Variants in ZRANB1 observed in about 807,000 individuals in gnomAD.
ZRANB1 encodes ubiquitin thioesterase ZRANB1.
ZRANB1 carries 16 observed loss-of-function variants against 80.5 expected under a neutral mutation model. The ratio of observed to expected loss-of-function variants is 0.20; its 90% confidence interval spans 0.13 to 0.30. The LOEUF (loss-of-function observed/expected upper bound fraction) is 0.30. Among genes scored for constraint, ZRANB1 ranks in the 10% least tolerant of loss-of-function variants. ZRANB1 has a pLI of 1.00. For missense variants in ZRANB1, 576 were observed against 862.6 expected, an observed-to-expected ratio of 0.67 and a Z score of 4.16; for synonymous variants, 291 against 293.1, an observed-to-expected ratio of 0.99 and a Z score of 0.07.
intron 1 of ZRANB1, among the ~76,000 whole-genome samples, chr10:124,966,190 C>T (rs1951774086): frequency 6.6e-6 from 1 of 152,104 alleles, no homozygotes; most frequent in Non-Finnish European, 1.5e-5. Flanking sequence ...AGGAGCTCAA[C>T]ACCAGCTGGA....
At chr10:124,975,517 A>T (rs761209787) in intron 5 of ZRANB1, among the ~76,000 whole-genome samples, 42 of 152,192 alleles carry the variant, frequency 2.8e-4, no homozygotes, top group Non-Finnish European at 5.1e-4. Flanking sequence ...TTATATATAT[A>T]TTTTTTAACA....
chr10:124,948,072 G>A (rs1483712736), intron 1 of ZRANB1, among the ~76,000 whole-genome samples: 1 of 151,916 alleles, frequency 6.6e-6, no homozygotes, highest in Non-Finnish European at 1.5e-5. Context: ...CCACTTATAC[G>A]TGAGTTTTCT....
intron 1 of ZRANB1, among the ~76,000 whole-genome samples, chr10:124,965,615 A>G (rs1036676): frequency 0.63 from 95,453 of 152,082 alleles, 32,139 homozygotes; most frequent in Non-Finnish European, 0.75. Context: ...TACACTAAGA[A>G]TATTTTTTTA....
chr10:124,968,302 C>A (rs1175433531), intron 2 of ZRANB1, among the ~76,000 whole-genome samples: 1 of 152,140 alleles, frequency 6.6e-6, no homozygotes, highest in Non-Finnish European at 1.5e-5. Context: ...TATACTTTTG[C>A]ATATTTGTTT....
chr10:124,966,516 T>G (rs1321775351), intron 1 of ZRANB1, 78 bp from the exon 2 acceptor site: 13 of 1,406,336 alleles, frequency 9.2e-6, no homozygotes, highest in Non-Finnish European at 1.2e-5. Flanking sequence ...CTTAAAAGAT[T>G]TTGGAGTGAT....
At chr10:124,922,808 GT>G in the ZRANB1 span, among the ~76,000 whole-genome samples, 1 of 151,786 alleles carries the variant, frequency 6.6e-6, no homozygotes, top group Non-Finnish European at 1.5e-5. Flanking sequence ...GCTAATTTTT[GT>G]ATTCAGCCGT....
chr10:124,937,435 C>T (rs1224257124), upstream of ZRANB1, among the ~76,000 whole-genome samples: 2 of 151,788 alleles, frequency 1.3e-5, no homozygotes, highest in African/African-American at 2.4e-5. Flanking sequence ...ATCCACCCGC[C>T]TCGGCCTCCC....
At chr10:124,972,332 A>T (rs1185181584) in intron 3 of ZRANB1, among the ~76,000 whole-genome samples, 2 of 152,208 alleles carry the variant, frequency 1.3e-5, no homozygotes, top group African/African-American at 2.4e-5. Flanking sequence ...ACAGCAGTTG[A>T]TAGTAACGGA....
the ZRANB1 span, among the ~76,000 whole-genome samples, chr10:124,931,150 A>G: frequency 6.6e-6 from 1 of 152,110 alleles, no homozygotes; most frequent in African/African-American, 2.4e-5. Flanking sequence ...ATCATAGCTC[A>G]CTGCAGCATT....
the ZRANB1 span, among the ~76,000 whole-genome samples, chr10:124,927,716 T>C: frequency 6.6e-6 from 1 of 152,166 alleles, no homozygotes. Flanking sequence ...TAAGAACTAT[T>C]TTAGAAGTTT....
rs530184367 is a variant in ZRANB1 at position 124,952,233 on chromosome 10, T to C, written c.814+8926T>C. Among the ~76,000 whole-genome samples the C allele has an allele frequency of 1.4e-4, 21 of 152,232 alleles. No individual in the cohort carries two copies. In the South Asian group the frequency reaches 2.7e-3, roughly 20 times the overall value. On this transcript the variant is annotated intron_variant, in intron 1 of 8. Transcript: ENST00000359653. ...GCAAAAGAGATTTTACAGAAGTGATTAAAGGTTGCTTAAATGGCAGGGTTA... is the reference window on the plus strand; with the variant it reads ...GCAAAAGAGATTTTACAGAAGTGATCAAAGGTTGCTTAAATGGCAGGGTTA...
chr10:124,974,017 C>G (rs928629962), intron 4 of ZRANB1, among the ~76,000 whole-genome samples, 183 bp from the exon 5 acceptor site: 2 of 152,150 alleles, frequency 1.3e-5, no homozygotes, highest in Non-Finnish European at 2.9e-5. Context: ...TTAAATTATT[C>G]TAGAGACAGA....
At chr10:124,927,165 C>T in the ZRANB1 span, among the ~76,000 whole-genome samples, 2 of 152,142 alleles carry the variant, frequency 1.3e-5, no homozygotes, top group Non-Finnish European at 2.9e-5. Context: ...CCGTGTTAGC[C>T]AGAATGGTCT....
At chr10:124,976,641 G>A (rs1951878740) in intron 5 of ZRANB1, among the ~76,000 whole-genome samples, 1 of 135,230 alleles carries the variant, frequency 7.4e-6, no homozygotes, top group Admixed American at 8.9e-5. Context: ...GCATGATCTC[G>A]GCTCACTGCA....
At chr10:124,976,011 C>T (rs1378850215) in intron 5 of ZRANB1, among the ~76,000 whole-genome samples, 5 of 151,912 alleles carry the variant, frequency 3.3e-5, no homozygotes, top group South Asian at 4.2e-4. Context: ...TTGTGGGGAG[C>T]GGAGGGGGAA....
rs1037615861 is a variant in ZRANB1 at position 124,985,858 on chromosome 10, T to C, written c.*866T>C. On this transcript the variant is annotated 3_prime_UTR_variant, in exon 9 of 9. Transcript: ENST00000359653. ...CACTTGGACTCCATCAACAATGTGC[T>C]GCTCCCAGATTGCCATGCCAGAGGG... The C allele has an allele frequency of 1.3e-5, 2 of 152,192 alleles. No homozygotes were observed. Among genetic ancestry groups the C allele is most frequent in the African/African-American group, 4.8e-5 (2 of 41,466 alleles). The allele number at this position is 152,192 out of a possible 1,614,324, so 9.4% of individuals were successfully genotyped here.
chr10:124,974,063 T>C (rs1951852368), intron 4 of ZRANB1, 137 bp from the exon 5 acceptor site: 1 of 743,992 alleles, frequency 1.3e-6, no homozygotes, highest in South Asian at 2.0e-5. Context: ...ATATTTCAAT[T>C]GGTCAATTTT....
At position 124,985,186 on chromosome 10, in the gene ZRANB1, G is replaced by C. The variant is rs1952005777; in HGVS notation, c.*194G>C. 2 of 512,254 alleles carry C rather than the reference G, an allele frequency of 3.9e-6. No individual in the cohort carries two copies. Among genetic ancestry groups the C allele is most frequent in the Non-Finnish European group, 6.9e-6 (2 of 291,148 alleles). 31.7% of individuals were successfully genotyped at this position (512,254 alleles called of 1,614,324 possible). A position where few individuals can be genotyped will look rare whatever the true frequency, so the allele number is the denominator to read the frequency against. On this transcript the variant is annotated 3_prime_UTR_variant, in exon 9 of 9. Transcript: ENST00000359653. Reference sequence around the variant, plus strand: ...CTGCGTGAGGAGACAGAGAACTTTAGTTGGACTACAGTTTGTAAAAAAAAC... The same window carrying C: ...CTGCGTGAGGAGACAGAGAACTTTACTTGGACTACAGTTTGTAAAAAAAAC...
At chr10:124,919,830 C>A in the ZRANB1 span, among the ~76,000 whole-genome samples, 2 of 149,036 alleles carry the variant, frequency 1.3e-5, no homozygotes, top group Non-Finnish European at 3.0e-5. Flanking sequence ...CCAGGATGGT[C>A]TCGATCTCCT....
Sources: allele counts gnomAD v4.1 joint callset (sites outside exome capture counted in the v4.1 genomes callset), GRCh38; gene constraint gnomAD v4.1.1; transcripts MANE v1.5; gene names NCBI Gene and HGNC (gene_info 2026-07-23, HGNC 2026-07-21).